SPRED2: variants seen among roughly 807,000 people sequenced by gnomAD.
SPRED2 encodes sprouty-related, EVH1 domain-containing protein 2.
Under a neutral mutation model 43.0 loss-of-function variants are expected in SPRED2, and 47 were observed. The observed-to-expected ratio is 1.09, with a 90% CI of 0.87 to 1.40. The LOEUF (loss-of-function observed/expected upper bound fraction) is 1.40, where lower values mean the gene tolerates loss of function less well. Ranked by LOEUF, SPRED2 falls within the 40% of genes most tolerant of loss-of-function variation. The pLI is 0.00. For synonymous variants in SPRED2, 225 were observed against 225.7 expected (o/e 1.00, Z 0.03); for missense variants, 561 against 586.4 (o/e 0.96, Z 0.45).
At chr2:65,358,173 CA>C (rs1224893108) in intron 1 of SPRED2, among the ~76,000 whole-genome samples, 2 of 152,174 alleles carry the variant, frequency 1.3e-5, no homozygotes, top group African/African-American at 4.8e-5. Context: ...TATGTTCTCT[CA>C]GTGCCAGTGT....
chr2:65,327,018 A>G (rs114053413), intron 4 of SPRED2, among the ~76,000 whole-genome samples: 3,863 of 151,858 alleles, frequency 0.025, 182 homozygotes, highest in African/African-American at 0.089. Context: ...TTTTTTTGAA[A>G]AAATTTTATG....
chr2:65,427,477 AAC>A (rs1419343875), intron 1 of SPRED2, among the ~76,000 whole-genome samples: 1 of 152,200 alleles, frequency 6.6e-6, no homozygotes, highest in African/African-American at 2.4e-5. Flanking sequence ...TTTTAAGGCA[AAC>A]ACAAAGAAAA....
At chr2:65,428,263 T>C (rs115365501) in intron 1 of SPRED2, among the ~76,000 whole-genome samples, 138 of 152,348 alleles carry the variant, frequency 9.1e-4, no homozygotes, top group African/African-American at 3.2e-3. Context: ...AGGTAGTGTC[T>C]ATTCCCATTT....
chr2:65,340,047 C>T (rs1674134091), intron 2 of SPRED2, among the ~76,000 whole-genome samples: 1 of 152,178 alleles, frequency 6.6e-6, no homozygotes, highest in Admixed American at 6.5e-5. Context: ...AACATAAAGC[C>T]ATGCCACTCT....
chr2:65,379,583 T>C (rs1466361883), intron 1 of SPRED2, among the ~76,000 whole-genome samples: 1 of 152,202 alleles, frequency 6.6e-6, no homozygotes, highest in East Asian at 1.9e-4. Context: ...AGTCCCCTCA[T>C]CTGTGTAACT....
At chr2:65,396,073 C>T (rs112647468) in intron 1 of SPRED2, among the ~76,000 whole-genome samples, 2 of 152,158 alleles carry the variant, frequency 1.3e-5, no homozygotes, top group Admixed American at 6.5e-5. Flanking sequence ...TATTTTAATG[C>T]TGCAGGCCTT....
chr2:65,357,697 C>G (rs1674695859), intron 1 of SPRED2, among the ~76,000 whole-genome samples: 1 of 152,216 alleles, frequency 6.6e-6, no homozygotes, highest in African/African-American at 2.4e-5. Context: ...ACTGGCAACA[C>G]AGCTACATGA....
chr2:65,410,505 A>T (rs1676129718), intron 1 of SPRED2, among the ~76,000 whole-genome samples: 1 of 152,182 alleles, frequency 6.6e-6, no homozygotes. Context: ...CAGGCCTGTA[A>T]TCCCAGCACT....
chr2:65,334,795 G>C (rs764687980), intron 2 of SPRED2, 22 bp from the exon 3 acceptor site: 1 of 1,613,504 alleles, frequency 6.2e-7, no homozygotes, highest in South Asian at 1.1e-5. Flanking sequence ...AAACACACAG[G>C]CTGGTTACTA....
At chr2:65,358,530 A>G (rs1051450941) in intron 1 of SPRED2, among the ~76,000 whole-genome samples, 1 of 152,234 alleles carries the variant, frequency 6.6e-6, no homozygotes, top group Non-Finnish European at 1.5e-5. Context: ...AGTGAAAAGG[A>G]GAAAATGTTA....
At chr2:65,387,446 G>C (rs1311669803) in intron 1 of SPRED2, among the ~76,000 whole-genome samples, 1 of 152,178 alleles carries the variant, frequency 6.6e-6, no homozygotes. Flanking sequence ...CTAGGTCTCA[G>C]TTTACTTAGC....
chr2:65,325,097 T>C (rs1452266857), intron 4 of SPRED2, among the ~76,000 whole-genome samples: 1 of 152,172 alleles, frequency 6.6e-6, no homozygotes, highest in African/African-American at 2.4e-5. Context: ...AGTACATGGG[T>C]GAGACTATTA....
intron 4 of SPRED2, among the ~76,000 whole-genome samples, chr2:65,319,806 G>A (rs1322707627): frequency 6.6e-6 from 1 of 152,098 alleles, no homozygotes; most frequent in Admixed American, 6.5e-5. Flanking sequence ...TCACACACTG[G>A]CACTAAGGGA....
chr2:65,376,932 T>C (rs1675254823), intron 1 of SPRED2, among the ~76,000 whole-genome samples: 1 of 152,174 alleles, frequency 6.6e-6, no homozygotes. Flanking sequence ...GCCAGGATGG[T>C]CTCGATCTCC....
At chr2:65,411,923 G>A (rs1005563710) in intron 1 of SPRED2, among the ~76,000 whole-genome samples, 7 of 151,954 alleles carry the variant, frequency 4.6e-5, no homozygotes, top group African/African-American at 1.7e-4. Context: ...GTCAATAGAC[G>A]GAGACCATCC....
At chr2:65,332,685 A>G (rs1455481662) in intron 3 of SPRED2, among the ~76,000 whole-genome samples, 1 of 152,196 alleles carries the variant, frequency 6.6e-6, no homozygotes, top group East Asian at 1.9e-4. Context: ...CCAAGTCAAA[A>G]TTACAGCTCT....
intron 1 of SPRED2, among the ~76,000 whole-genome samples, chr2:65,431,142 C>A (rs1180351613): frequency 6.6e-6 from 1 of 151,356 alleles, no homozygotes; most frequent in Non-Finnish European, 1.5e-5. Context: ...CGGCGGAGCG[C>A]CCCGAGCATT....
intron 1 of SPRED2, among the ~76,000 whole-genome samples, chr2:65,406,997 C>T (rs974015954): frequency 4.0e-5 from 6 of 151,358 alleles, no homozygotes; most frequent in Admixed American, 1.3e-4. Flanking sequence ...GGTGCCATCT[C>T]GGCTCACTGC....
At chr2:65,363,856 G>T (rs1187855921) in intron 1 of SPRED2, among the ~76,000 whole-genome samples, 1 of 152,130 alleles carries the variant, frequency 6.6e-6, no homozygotes, top group Non-Finnish European at 1.5e-5. Context: ...TGAGTCTTTA[G>T]AATATAATTT....
Sources: allele counts gnomAD v4.1 joint callset (sites outside exome capture counted in the v4.1 genomes callset), GRCh38; gene constraint gnomAD v4.1.1; transcripts MANE v1.5; gene names NCBI Gene and HGNC (gene_info 2026-07-23, HGNC 2026-07-21).